The following APOH variants were observed in gnomAD, a reference collection of about 807,000 sequenced individuals.
The protein encoded by APOH is apolipoprotein H.
A neutral mutation model predicts 39.8 loss-of-function variants in APOH; 48 were observed. The ratio of observed to expected loss-of-function variants is 1.21; its 90% CI spans 0.96 to 1.54. The LOEUF (loss-of-function observed/expected upper bound fraction) is 1.54, where lower values mean the gene tolerates loss of function less well. Ranked by LOEUF, APOH falls within the 40% of genes most tolerant of loss-of-function variation. The pLI, the probability that APOH is intolerant of heterozygous loss-of-function variation, is 0.00. For missense variants in APOH, 415 were observed against 421.2 expected (o/e 0.99, Z 0.13); for synonymous variants, 153 against 151.1 (o/e 1.01, Z -0.09).
At chr17:66,228,290 C>A (rs2147000488) in intron 1 of APOH, 94 bp from the exon 2 acceptor site, 1 of 1,324,956 alleles carries the variant, frequency 7.5e-7, no homozygotes, top group South Asian at 1.4e-5. Flanking sequence ...GTACTGTTAC[C>A]AATTATAAGC....
chr17:66,214,362 T>A (rs1238264920), intron 7 of APOH, 91 bp downstream of exon 7: 2 of 1,291,946 alleles, frequency 1.5e-6, no homozygotes, highest in African/African-American at 1.5e-5. Flanking sequence ...CCTGGCCTCA[T>A]CTGGTTTTTG....
intron 4 of APOH, among the ~76,000 whole-genome samples, chr17:66,221,266 A>AAAGGAAGGAAGGAAGGAAGGAAGG (rs369169198): frequency 5.8e-5 from 7 of 120,468 alleles, no homozygotes; most frequent in African/African-American, 2.0e-4. Flanking sequence ...AGAGAGAAAG[A>AAAGGAAGGAAGGAAGGAAGGAAGG]AAGGAAGGAA....
intron 4 of APOH, among the ~76,000 whole-genome samples, chr17:66,221,108 G>T (rs1043231944): frequency 1.5e-4 from 23 of 151,832 alleles, no homozygotes; most frequent in African/African-American, 4.8e-4. Flanking sequence ...CAGGAGAATC[G>T]CTTGAACCTG....
In APOH at chr17:66,214,589, A is replaced by T; in HGVS notation, c.846T>A (p.Ile282=). 1 of 1,613,984 alleles carries T rather than the reference A, an allele frequency of 6.2e-7. No individual in the cohort carries two copies. The highest frequency in any genetic ancestry group is 8.5e-7 in the Non-Finnish European group (1 of 1,179,968). The change falls in exon 7 of 8, where the codon ATT becomes ATA. Residue 282 remains isoleucine (I), a synonymous_variant. Coordinates refer to ENST00000205948, the MANE Select transcript of APOH (RefSeq NM_000042.3). ...TVVYQGERVK[I]QEKFKNGMLH... is the part of the protein sequence containing the mutation. Reference sequence around the variant, plus strand: ...GCATTCCATTCTTAAATTTTTCCTGAATCTTTACTCTCTCTCCTTGGTACA... The same window carrying T: ...GCATTCCATTCTTAAATTTTTCCTGTATCTTTACTCTCTCTCCTTGGTACA...
At chr17:66,217,390 A>G (rs2073372406) in intron 5 of APOH, among the ~76,000 whole-genome samples, 1 of 140,968 alleles carries the variant, frequency 7.1e-6, no homozygotes, top group Admixed American at 7.1e-5. Flanking sequence ...TGGCTTTAAA[A>G]TAGTAAATCT....
At chr17:66,220,804 C>A (rs1022159897) in intron 4 of APOH, 62 bp from the exon 5 acceptor site, 7 of 1,433,932 alleles carry the variant, frequency 4.9e-6, no homozygotes, top group African/African-American at 2.9e-5. Context: ...TATACTCTTT[C>A]CAGAAAGAAA....
Position 66,228,019 on chromosome 17 carries a change from C to G in APOH, c.241+1G>C, listed in dbSNP as rs113131450. 7 of 1,612,168 alleles carry G rather than the reference C, an allele frequency of 4.3e-6. No individual in the cohort carries two copies. Among genetic ancestry groups the G allele is most frequent in the Non-Finnish European group, 5.9e-6 (7 of 1,179,128 alleles). On this transcript the variant is annotated splice_donor_variant, in intron 2 of 7. Coordinates refer to ENST00000205948, the MANE Select transcript of APOH (RefSeq NM_000042.3). LOFTEE classifies it high-confidence loss of function. ...GAATGTGAGAGAAGGTACTGACTTA[C>G]GTGTACATTTCAGAGTGTTGATGGG...
In APOH at chr17:66,221,861, T is replaced by A. The variant is rs2073404835; in HGVS notation, c.416-1119A>T. ...TGACCAAAATGCGATTTACCTTGAC[T>A]TCCCTAGATCCCTGCTGCTCAAAAT... On this transcript the variant is annotated intron_variant, in intron 4 of 7. Transcript: ENST00000205948. Among the ~76,000 whole-genome samples the A allele has an allele frequency of 3.3e-5, 5 of 152,248 alleles. No individual in the cohort carries two copies. In the South Asian group the frequency reaches 1.0e-3, roughly 32 times the overall value.
At chr17:66,227,173 C>T (rs754054772) in intron 2 of APOH, among the ~76,000 whole-genome samples, 3 of 152,070 alleles carry the variant, frequency 2.0e-5, no homozygotes, top group Non-Finnish European at 4.4e-5. Context: ...TGTGAGCCAC[C>T]GCACCTGGCC....
intron 7 of APOH, 125 bp from the exon 8 acceptor site, chr17:66,212,313 C>G: frequency 4.2e-6 from 3 of 719,210 alleles, no homozygotes; most frequent in Non-Finnish European, 7.1e-6. Flanking sequence ...GTGAATGAAA[C>G]CATTTAGTGT....
intron 2 of APOH, among the ~76,000 whole-genome samples, chr17:66,226,638 T>C (rs78785281): frequency 0.073 from 9,303 of 127,696 alleles, 301 homozygotes; most frequent in African/African-American, 0.084. Context: ...AAAAAAAAAA[T>C]TGGATAGTCT....
chr17:66,220,906 T>C (rs1205574340), intron 4 of APOH, among the ~76,000 whole-genome samples, 164 bp from the exon 5 acceptor site: 1 of 152,020 alleles, frequency 6.6e-6, no homozygotes, highest in Non-Finnish European at 1.5e-5. Context: ...TAGGAAAATA[T>C]GACCTGCCGG....
chr17:66,223,613 G>C, intron 4 of APOH, 85 bp downstream of exon 4: 6 of 1,158,940 alleles, frequency 5.2e-6, no homozygotes, highest in Non-Finnish European at 7.8e-6. Context: ...AGCTGTGACT[G>C]AAGAGATTCC....
At chr17:66,223,805 G>A (rs1287402444) in intron 3 of APOH, 31 bp from the exon 4 acceptor site, 1 of 1,583,852 alleles carries the variant, frequency 6.3e-7, no homozygotes, top group Non-Finnish European at 8.7e-7. Flanking sequence ...CTATCAAGGA[G>A]TAAAATAATC....
At position 66,228,172 on chromosome 17, in the gene APOH, G is replaced by A; in HGVS notation, c.89C>T (p.Pro30Leu). The change falls in exon 2 of 8, where the codon CCA (proline) becomes CTA (leucine). Residue 30 changes from proline to leucine, a missense_variant. Pro to Leu is a moderately conservative substitution (Grantham distance 98, BLOSUM62 -3). Transcript: ENST00000205948. Reference protein sequence around the residue: ...GRTCPKPDDLPFSTVVPLKTF... With the variant: ...GRTCPKPDDLLFSTVVPLKTF... ...TTTTAACGGGACCACTGTGGAAAAT[G>A]GTAAATCATCTGGCTTGGGACAGGC... The A allele has an allele frequency of 6.2e-7, 1 of 1,614,030 alleles. No individual in the cohort carries two copies. The highest frequency in any genetic ancestry group is 8.5e-7 in the Non-Finnish European group (1 of 1,179,990).
At chr17:66,217,613 A>G (rs2073373615) in intron 5 of APOH, among the ~76,000 whole-genome samples, 1 of 152,108 alleles carries the variant, frequency 6.6e-6, no homozygotes, top group South Asian at 2.1e-4. Flanking sequence ...CTCCAGAGTC[A>G]GACTGCTTGG....
At chr17:66,220,413 T>C in intron 5 of APOH, 141 bp downstream of exon 5, 1 of 761,500 alleles carries the variant, frequency 1.3e-6, no homozygotes. Flanking sequence ...CCCAGCACAC[T>C]GCCTGGCACA....
intron 4 of APOH, 69 bp downstream of exon 4, chr17:66,223,629 T>G: frequency 1.2e-4 from 157 of 1,335,284 alleles, no homozygotes; most frequent in Non-Finnish European, 1.6e-4. Context: ...ATTCCAGATG[T>G]GAGACTTTGA....
intron 1 of APOH, among the ~76,000 whole-genome samples, chr17:66,228,848 TG>T (rs1350668351): frequency 2.6e-5 from 4 of 151,926 alleles, no homozygotes; most frequent in Admixed American, 2.6e-4. Flanking sequence ...TTATTATTAT[TG>T]TTGACTGAGT....
Sources: gnomAD v4.1 joint callset for allele counts (sites outside exome capture counted in the v4.1 genomes callset) on GRCh38, gnomAD v4.1.1 for gene constraint, MANE v1.5 for transcripts, NCBI Gene and HGNC (gene_info 2026-07-23, HGNC 2026-07-21) for gene names.